The following HOMER2 variants were observed in gnomAD, a reference collection of about 807,000 sequenced individuals.
The protein encoded by HOMER2 is homer scaffold protein 2.
Under a neutral mutation model 47.0 loss-of-function variants are expected in HOMER2, and 27 were observed. The ratio of observed to expected loss-of-function variants is 0.57; its 90% CI spans 0.42 to 0.79. The LOEUF is 0.79. HOMER2 is among the 30% of genes least tolerant of loss of function. HOMER2 has a pLI of 0.00. For synonymous variants in HOMER2, 161 were observed against 163.8 expected (o/e 0.98, Z 0.13); for missense variants, 443 against 435.0 (o/e 1.02, Z -0.16).
At chr15:82,870,395 G>T (rs999990578) in intron 3 of HOMER2, among the ~76,000 whole-genome samples, 1 of 152,060 alleles carries the variant, frequency 6.6e-6, no homozygotes, top group African/African-American at 2.4e-5. Flanking sequence ...CCTCCCTCTC[G>T]CCAAGAATGC....
intron 3 of HOMER2, among the ~76,000 whole-genome samples, chr15:82,873,079 G>A (rs1177451920): frequency 6.6e-6 from 1 of 152,130 alleles, no homozygotes; most frequent in Non-Finnish European, 1.5e-5. Context: ...AGGACACACT[G>A]GCCATGGTGC....
chr15:82,835,984 A>G (rs2051121945), downstream of HOMER2: 5 of 152,262 alleles, frequency 3.3e-5, no homozygotes, highest in Admixed American at 3.3e-4. Flanking sequence ...TTGAGATACC[A>G]GCGAGCTTAA....
At chr15:82,845,668 A>G (rs978863660), downstream of HOMER2, 2 of 152,220 alleles carry the variant, frequency 1.3e-5, no homozygotes, top group Non-Finnish European at 2.9e-5. Flanking sequence ...ACTTCTGGAT[A>G]TTAGCAAAGA....
intron 1 of HOMER2, among the ~76,000 whole-genome samples, chr15:82,896,258 A>G (rs1370834964): frequency 6.6e-6 from 1 of 152,070 alleles, no homozygotes; most frequent in African/African-American, 2.4e-5. Flanking sequence ...GGCCTACAGG[A>G]GGGAGGAAGT....
chr15:82,928,960 A>AAAAAAAAAAAAAAAAAAAAAAAAT (rs2053933614), intron 1 of HOMER2, among the ~76,000 whole-genome samples: 2 of 148,750 alleles, frequency 1.3e-5, no homozygotes, highest in African/African-American at 2.5e-5. Context: ...AAAAAAAAAA[A>AAAAAAAAAAAAAAAAAAAAAAAAT]GCTGTCATGC....
At chr15:82,846,332 C>T (rs2051247348), downstream of HOMER2, 2 of 152,208 alleles carry the variant, frequency 1.3e-5, no homozygotes, top group African/African-American at 4.8e-5. Flanking sequence ...TGGAAAGATT[C>T]CTGCAAAACC....
At chr15:82,851,424 G>A (rs187083768) in intron 7 of HOMER2, among the ~76,000 whole-genome samples, 193 bp from the exon 8 acceptor site, 24 of 152,334 alleles carry the variant, frequency 1.6e-4, no homozygotes, top group Non-Finnish European at 2.5e-4. Context: ...GCCTTGTCAC[G>A]TGAAGTCTGT....
chr15:82,980,088 A>G (rs1020605934), intron 1 of HOMER2, among the ~76,000 whole-genome samples: 6 of 152,154 alleles, frequency 3.9e-5, no homozygotes, highest in African/African-American at 9.7e-5. Context: ...GAAGTGTATT[A>G]TATATATGTA....
intron 1 of HOMER2, among the ~76,000 whole-genome samples, chr15:82,896,455 T>C (rs1426578929): frequency 6.6e-6 from 1 of 152,186 alleles, no homozygotes; most frequent in African/African-American, 2.4e-5. Context: ...ACTGAAGTCA[T>C]GGTGAGCTGC....
At chr15:82,942,846 A>G (rs1217991489) in intron 1 of HOMER2, among the ~76,000 whole-genome samples, 3 of 152,198 alleles carry the variant, frequency 2.0e-5, no homozygotes, top group Non-Finnish European at 4.4e-5. Flanking sequence ...GAGGCTTAGC[A>G]ATATGAGGCA....
upstream of HOMER2, among the ~76,000 whole-genome samples, chr15:82,954,877 C>G (rs1021081981): frequency 3.9e-5 from 6 of 151,984 alleles, no homozygotes; most frequent in Non-Finnish European, 5.9e-5. Context: ...CTCCCAGGTT[C>G]AAGCGATTCT....
At chr15:82,870,719 T>C (rs1166223658) in intron 3 of HOMER2, among the ~76,000 whole-genome samples, 2 of 152,218 alleles carry the variant, frequency 1.3e-5, no homozygotes, top group African/African-American at 4.8e-5. Flanking sequence ...GATAAAACAA[T>C]GTTCTTACGA....
At chr15:82,926,894 A>C (rs999938102) in intron 1 of HOMER2, among the ~76,000 whole-genome samples, 6 of 152,124 alleles carry the variant, frequency 3.9e-5, no homozygotes, top group Non-Finnish European at 8.8e-5. Flanking sequence ...GCACCTTGAT[A>C]CTAAACTACC....
chr15:82,852,388 G>T, intron 6 of HOMER2, 136 bp from the exon 7 acceptor site: 1 of 655,890 alleles, frequency 1.5e-6, no homozygotes. Flanking sequence ...TTTCTTTGTG[G>T]CTATGAACAA....
exon 2 of HOMER2, chr15:82,840,900 A>T (rs1195893917): frequency 6.6e-6 from 1 of 152,104 alleles, no homozygotes; most frequent in Non-Finnish European, 1.5e-5. Flanking sequence ...AGAGCAAAAA[A>T]TTCTAAATAT....
chr15:82,858,988 A>G, intron 5 of HOMER2, 41 bp downstream of exon 5: 3 of 1,595,014 alleles, frequency 1.9e-6, no homozygotes, highest in Non-Finnish European at 2.6e-6. Flanking sequence ...GGAAGTGCTG[A>G]AGGTGGAGAA....
Position 82,875,364 on chromosome 15 carries a change from G to A in HOMER2, c.203C>T (p.Thr68Ile), listed in dbSNP as rs1383017221. 10 of 1,613,834 alleles carry A rather than the reference G, an allele frequency of 6.2e-6. No homozygotes were observed. The highest frequency in any genetic ancestry group is 8.5e-6 in the Non-Finnish European group (10 of 1,179,876). The change falls in exon 3 of 9, where the codon ACC becomes ATC. Residue 68 changes from threonine (T) to isoleucine (I), a missense_variant. By Grantham distance (89) the Thr-to-Ile change is moderately conservative. Coordinates refer to ENST00000450735, the MANE Select transcript of HOMER2 (RefSeq NM_004839.4). ...CTGCCCAAACTTCTGTGACGTTTTG[G>A]TGAAGGTCATATTCGGTGTGATTGT... ...NSTITPNMTF[T>I]KTSQKFGQWA...
At chr15:82,878,362 CTG>C (rs1434770448) in intron 2 of HOMER2, among the ~76,000 whole-genome samples, 14 of 152,220 alleles carry the variant, frequency 9.2e-5, no homozygotes, top group African/African-American at 3.4e-4. Context: ...GATGGCGAAA[CTG>C]AGGCTTAACA....
intron 1 of HOMER2, among the ~76,000 whole-genome samples, chr15:82,893,334 T>C (rs1174107614): frequency 1.3e-5 from 2 of 148,740 alleles, no homozygotes; most frequent in African/African-American, 4.9e-5. Flanking sequence ...TTTATCTTTT[T>C]TTTTTTTTTT....
Sources: allele counts gnomAD v4.1 joint callset (sites outside exome capture counted in the v4.1 genomes callset), GRCh38; gene constraint gnomAD v4.1.1; transcripts MANE v1.5; gene names NCBI Gene and HGNC (gene_info 2026-07-23, HGNC 2026-07-21).